ZNRF3: variants seen among roughly 807,000 people sequenced by gnomAD.
The protein encoded by ZNRF3 is E3 ubiquitin-protein ligase ZNRF3.
In ZNRF3, 23 loss-of-function variants were observed where a neutral mutation model predicts 72.5. The ratio of observed to expected loss-of-function variants is 0.32; its 90% confidence interval spans 0.23 to 0.45. ZNRF3 has a LOEUF of 0.45. Ranked by LOEUF, ZNRF3 falls within the 20% of genes least tolerant of loss-of-function variation. The pLI is 1.00. For synonymous variants in ZNRF3, 610 were observed against 545.3 expected (o/e 1.12, Z -1.65); for missense variants, 1,169 against 1,272.1 (o/e 0.92, Z 1.23).
intron 1 of ZNRF3, among the ~76,000 whole-genome samples, chr22:28,913,084 T>C (rs994043640): frequency 6.6e-6 from 1 of 152,264 alleles, no homozygotes; most frequent in Non-Finnish European, 1.5e-5. Flanking sequence ...AATAGATGTA[T>C]ACTTTCTTAA....
chr22:29,035,878 C>A (rs115122453), intron 2 of ZNRF3, among the ~76,000 whole-genome samples: 2 of 152,262 alleles, frequency 1.3e-5, no homozygotes, highest in African/African-American at 2.4e-5. Context: ...CTGCGCCCGG[C>A]CTTAAACGAT....
chr22:29,004,421 TGTA>T (rs1378832290), intron 2 of ZNRF3, among the ~76,000 whole-genome samples: 1 of 152,212 alleles, frequency 6.6e-6, no homozygotes, highest in Non-Finnish European at 1.5e-5. Context: ...TTTCAGTCTC[TGTA>T]ACTTCATCTA....
At chr22:29,045,605 T>C (rs2123883637) in intron 5 of ZNRF3, among the ~76,000 whole-genome samples, 1 of 152,262 alleles carries the variant, frequency 6.6e-6, no homozygotes, top group East Asian at 1.9e-4. Flanking sequence ...TCTCATGCCT[T>C]AGCCTCCCAA....
chr22:28,927,900 G>C (rs573098369), intron 1 of ZNRF3, among the ~76,000 whole-genome samples: 1 of 152,344 alleles, frequency 6.6e-6, no homozygotes, highest in Non-Finnish European at 1.5e-5. Flanking sequence ...CTTCCAGGAT[G>C]CCAAGAGCTG....
chr22:29,010,366 G>T (rs987061058), intron 2 of ZNRF3, among the ~76,000 whole-genome samples: 10 of 152,200 alleles, frequency 6.6e-5, no homozygotes, highest in African/African-American at 2.4e-4. Context: ...TTTTGTGACT[G>T]GCTTCTTTCA....
intron 1 of ZNRF3, among the ~76,000 whole-genome samples, chr22:28,934,914 G>GT (rs957377050): frequency 8.5e-4 from 128 of 150,738 alleles, no homozygotes; most frequent in East Asian, 6.4e-3. Context: ...TGGGTTTCCA[G>GT]TTTTTTTTTC....
chr22:29,017,979 C>G (rs1320769823), intron 2 of ZNRF3: 7 of 518,812 alleles, frequency 1.3e-5, no homozygotes, highest in African/African-American at 7.7e-5. Flanking sequence ...CATGAATAAC[C>G]TATGCAACAG....
chr22:29,049,631 G>A lies in ZNRF3; in HGVS notation c.1450G>A (p.Gly484Arg), dbSNP rs774552627. 1.2e-5 allele frequency: 19 copies of A among 1,610,938 alleles called. No homozygotes were observed. The South Asian group carries it at 1.5e-4, about 13-fold the overall frequency. ...GGGCCTCAGCTACCCGGAGCAGGAG[G>A]GGCAGTCCCCACCTAGCCTCGCACC... ...FQGLSYPEQE[G>R]QSPPSLAPRG... The change falls in exon 8 of 9, where the codon GGG (glycine) becomes AGG (arginine). Residue 484 changes from glycine to arginine, a missense_variant. Transcript: ENST00000544604. This position sits in a 1 kb window ranked among gnomAD's most constrained non-coding sequence, Gnocchi z 5.2.
At chr22:29,023,331 A>T (rs2036571158) in intron 2 of ZNRF3, among the ~76,000 whole-genome samples, 1 of 152,154 alleles carries the variant, frequency 6.6e-6, no homozygotes, top group South Asian at 2.1e-4. Flanking sequence ...GCACACTCTG[A>T]CCTCAGGAAA....
chr22:29,049,492 C>T lies in ZNRF3; in HGVS notation c.1311C>T (p.His437=). The change falls in exon 8 of 9, where the codon CAC becomes CAT. Residue 437 remains histidine, a synonymous_variant. Transcript: ENST00000544604. This position sits in a 1 kb window ranked among gnomAD's most constrained non-coding sequence, Gnocchi z 5.2. ...SLAAHRCGLE[H]RAYSPAHPFR... is the part of the protein sequence containing the mutation. ...CCGCTCACCGCTGCGGCCTGGAGCA[C>T]CGGGCCTACTCCCCAGCCCACCCCT... 1 of 1,604,910 alleles carries T rather than the reference C, an allele frequency of 6.2e-7. No homozygotes were observed. The highest frequency in any genetic ancestry group is 2.2e-5 in the East Asian group (1 of 44,854).
chr22:28,932,556 T>C (rs1259706924), intron 1 of ZNRF3, among the ~76,000 whole-genome samples: 1 of 152,192 alleles, frequency 6.6e-6, no homozygotes, highest in Non-Finnish European at 1.5e-5. Flanking sequence ...GTCCTTGTGA[T>C]CTATCACCAT....
chr22:28,889,295 G>A (rs977737200), intron 1 of ZNRF3, among the ~76,000 whole-genome samples: 13 of 152,300 alleles, frequency 8.5e-5, no homozygotes, highest in African/African-American at 3.1e-4. Flanking sequence ...TCCTGCAAGT[G>A]TATGCGTATT....
chr22:29,010,452 T>C (rs980952449), intron 2 of ZNRF3, among the ~76,000 whole-genome samples: 1 of 152,216 alleles, frequency 6.6e-6, no homozygotes, highest in Non-Finnish European at 1.5e-5. Flanking sequence ...GATGGAATTA[T>C]ATATATCCCA....
At chr22:28,923,828 G>A (rs1474513407) in intron 1 of ZNRF3, among the ~76,000 whole-genome samples, 1 of 152,260 alleles carries the variant, frequency 6.6e-6, no homozygotes, top group African/African-American at 2.4e-5. Flanking sequence ...CTGAGAGATG[G>A]TGTATGTGTT....
chr22:28,942,247 T>C (rs5762906), intron 1 of ZNRF3, among the ~76,000 whole-genome samples: 10,407 of 152,320 alleles, frequency 0.068, 472 homozygotes, highest in East Asian at 0.12. Flanking sequence ...GCGATGCCGA[T>C]GCAGAGAGCC....
At chr22:28,972,749 A>C (rs2035599847) in intron 1 of ZNRF3, among the ~76,000 whole-genome samples, 1 of 152,154 alleles carries the variant, frequency 6.6e-6, no homozygotes, top group Non-Finnish European at 1.5e-5. Context: ...GGTTCTAATT[A>C]TTCCACATTC....
chr22:29,003,403 C>T (rs534899683), intron 2 of ZNRF3, among the ~76,000 whole-genome samples: 8 of 151,940 alleles, frequency 5.3e-5, no homozygotes, highest in African/African-American at 1.9e-4. Flanking sequence ...GCCTGTAGTC[C>T]CAGCTACTCA....
chr22:29,030,115 G>T lies in ZNRF3; in HGVS notation c.427-12380G>T, dbSNP rs957163348. Among the ~76,000 whole-genome samples the T allele has an allele frequency of 8.5e-5, 13 of 152,190 alleles. No individual in the cohort carries two copies. Among genetic ancestry groups the T allele is most frequent in the African/African-American group, 2.2e-4 (9 of 41,428 alleles). ...TTTCCATAACATCTTTCACCCCACA[G>T]TATCGATGGAGCAGGAGGGTGTGGA... On this transcript the variant is annotated intron_variant, in intron 2 of 8. Transcript: ENST00000544604. This position sits in a 1 kb window ranked among gnomAD's most constrained non-coding sequence, Gnocchi z 4.2.
In ZNRF3 at chr22:29,050,155, G is replaced by T; in HGVS notation, c.1974G>T (p.Val658=). The change falls in exon 8 of 9, where the codon GTG becomes GTT. Residue 658 remains valine (V), a synonymous_variant. Coordinates refer to ENST00000544604, the MANE Select transcript of ZNRF3 (RefSeq NM_001206998.2). ...PGPASPSGDQ[V]STCSLEMNYS... is the part of the protein sequence containing the mutation. ...CTGCCTCTCCCTCGGGGGATCAGGT[G>T]TCCACCTGCAGCCTGGAGATGAACT... 6.2e-7 allele frequency: 1 copy of T among 1,604,298 alleles called. No homozygotes were observed. Among genetic ancestry groups the T allele is most frequent in the Admixed American group, 1.7e-5 (1 of 60,022 alleles).
Sources: allele counts gnomAD v4.1 joint callset (sites outside exome capture counted in the v4.1 genomes callset), GRCh38; gene constraint gnomAD v4.1.1; non-coding constraint Gnocchi (gnomAD v3.1); transcripts MANE v1.5; gene names NCBI Gene and HGNC (gene_info 2026-07-23, HGNC 2026-07-21).